The following ELAPOR1 variants were observed in gnomAD, a reference collection of about 807,000 sequenced individuals.
ELAPOR1 encodes the protein endosome-lysosome associated apoptosis and autophagy regulator 1.
A neutral mutation model predicts 119.7 loss-of-function variants in ELAPOR1; 77 were observed. That is an observed-to-expected ratio of 0.64 (90% confidence interval 0.54 to 0.78). The LOEUF is 0.78. Among genes scored for constraint, ELAPOR1 ranks in the 30% least tolerant of loss-of-function variants. The pLI is 0.00. For synonymous variants in ELAPOR1, 481 were observed against 487.2 expected, an observed-to-expected ratio of 0.99 and a Z score of 0.17; for missense variants, 1,115 against 1,270.4, an observed-to-expected ratio of 0.88 and a Z score of 1.86.
At chr1:109,134,410 G>A (rs1649333021) in intron 1 of ELAPOR1, among the ~76,000 whole-genome samples, 1 of 152,132 alleles carries the variant, frequency 6.6e-6, no homozygotes, top group Non-Finnish European at 1.5e-5. Flanking sequence ...TCACAGGGCT[G>A]TGGGCCTCTC....
At chr1:109,176,299 C>T (rs1041019352) in intron 7 of ELAPOR1, among the ~76,000 whole-genome samples, 6 of 152,170 alleles carry the variant, frequency 3.9e-5, no homozygotes, top group Non-Finnish European at 8.8e-5. Flanking sequence ...ACCTCCAAGA[C>T]AGGTTCTGAA....
At chr1:109,151,940 C>T (rs1650558854) in intron 1 of ELAPOR1, among the ~76,000 whole-genome samples, 1 of 149,382 alleles carries the variant, frequency 6.7e-6, no homozygotes. Context: ...GTGGCATGAT[C>T]ACGGCTCACT....
At chr1:109,148,813 G>A (rs148415939) in intron 1 of ELAPOR1, among the ~76,000 whole-genome samples, 11,012 of 152,246 alleles carry the variant, frequency 0.072, 450 homozygotes, top group Non-Finnish European at 0.09. Flanking sequence ...AGTGATAGAA[G>A]CACATCTTCA....
chr1:109,144,033 T>TTATATATATA (rs1265476565), intron 1 of ELAPOR1, among the ~76,000 whole-genome samples: 2 of 91,820 alleles, frequency 2.2e-5, no homozygotes, highest in South Asian at 7.5e-4. Context: ...TTTTCTAAAA[T>TTATATATATA]TATATATATA....
rs1224695847 is a variant in ELAPOR1, at chr1:109,203,364, C to G, written c.*352C>G. 8.2e-6 allele frequency: 2 copies of G among 243,222 alleles called. No homozygotes were observed. The highest frequency in any genetic ancestry group is 4.7e-5 in the African/African-American group (2 of 42,698). 15.1% of individuals were successfully genotyped at this position (243,222 alleles called of 1,614,324 possible). Reference sequence around the variant, plus strand: ...AAGTATAGAAACTATTTCCTCTGTCCTCTAACTTAAGGGCAGAAACAGCTG... The same window carrying G: ...AAGTATAGAAACTATTTCCTCTGTCGTCTAACTTAAGGGCAGAAACAGCTG... On this transcript the variant is annotated 3_prime_UTR_variant, in exon 22 of 22. Coordinates refer to ENST00000369939, the MANE Select transcript of ELAPOR1 (RefSeq NM_020775.5).
At chr1:109,193,273 A>G (rs1256492443) in intron 14 of ELAPOR1, among the ~76,000 whole-genome samples, 1 of 152,074 alleles carries the variant, frequency 6.6e-6, no homozygotes, top group African/African-American at 2.4e-5. Context: ...TAGAAACCCA[A>G]CCATTGCTGG....
chr1:109,169,387 G>T (rs775744946), intron 3 of ELAPOR1, among the ~76,000 whole-genome samples: 1 of 151,986 alleles, frequency 6.6e-6, no homozygotes, highest in African/African-American at 2.4e-5. Flanking sequence ...TTACAGCCAC[G>T]TGCCACAACA....
intron 1 of ELAPOR1, among the ~76,000 whole-genome samples, chr1:109,131,958 C>A (rs1649175402): frequency 2.0e-5 from 3 of 152,024 alleles, no homozygotes; most frequent in African/African-American, 7.2e-5. Context: ...GACTTGGAGG[C>A]CCTTGGAGAA....
chr1:109,133,173 T>C (rs1319875314), intron 1 of ELAPOR1, among the ~76,000 whole-genome samples: 1 of 152,086 alleles, frequency 6.6e-6, no homozygotes, highest in East Asian at 1.9e-4. Flanking sequence ...GAGGGTGCGG[T>C]GAGCTCTGAT....
At chr1:109,188,795 T>C (rs765498866) in intron 9 of ELAPOR1, among the ~76,000 whole-genome samples, 7 of 152,216 alleles carry the variant, frequency 4.6e-5, no homozygotes, top group Non-Finnish European at 1.0e-4. Flanking sequence ...TGTATCAGAC[T>C]AGAAGGTACA....
chr1:109,157,420 C>T (rs1464078495), intron 1 of ELAPOR1, among the ~76,000 whole-genome samples: 1 of 152,172 alleles, frequency 6.6e-6, no homozygotes, highest in Non-Finnish European at 1.5e-5. Context: ...CTTAATCATG[C>T]TCACAGAGGG....
chr1:109,184,232 A>G (rs1447482110), intron 7 of ELAPOR1, among the ~76,000 whole-genome samples: 1 of 152,078 alleles, frequency 6.6e-6, no homozygotes, highest in Non-Finnish European at 1.5e-5. Flanking sequence ...TTAGCCAGGC[A>G]TGGTGACTCA....
intron 7 of ELAPOR1, among the ~76,000 whole-genome samples, chr1:109,180,757 G>A (rs1307062488): frequency 6.6e-6 from 1 of 152,234 alleles, no homozygotes; most frequent in East Asian, 1.9e-4. Flanking sequence ...TTGAGGCCGG[G>A]AGTTTGAGAC....
chr1:109,154,019 T>G (rs190640384), intron 1 of ELAPOR1, among the ~76,000 whole-genome samples: 1 of 152,090 alleles, frequency 6.6e-6, no homozygotes, highest in Non-Finnish European at 1.5e-5. Flanking sequence ...CTGTGGCTCA[T>G]GCCTGTAATC....
At chr1:109,120,846 A>G (rs1215419380) in intron 1 of ELAPOR1, among the ~76,000 whole-genome samples, 1 of 152,234 alleles carries the variant, frequency 6.6e-6, no homozygotes, top group Non-Finnish European at 1.5e-5. Flanking sequence ...ATTCTCATTC[A>G]GATCACTCAC....
chr1:109,131,903 G>C (rs1171371377), intron 1 of ELAPOR1, among the ~76,000 whole-genome samples: 1 of 152,150 alleles, frequency 6.6e-6, no homozygotes, highest in Non-Finnish European at 1.5e-5. Flanking sequence ...AGGTTGTCCA[G>C]GGTCACTTTA....
intron 11 of ELAPOR1, among the ~76,000 whole-genome samples, 198 bp from the exon 12 acceptor site, chr1:109,191,168 C>T (rs2101112318): frequency 6.6e-6 from 1 of 152,252 alleles, no homozygotes; most frequent in Admixed American, 6.5e-5. Context: ...TCATCACCTC[C>T]ATTTTACAGA....
At chr1:109,180,149 C>T (rs1180844362) in intron 7 of ELAPOR1, among the ~76,000 whole-genome samples, 1 of 152,078 alleles carries the variant, frequency 6.6e-6, no homozygotes, top group Non-Finnish European at 1.5e-5. Flanking sequence ...CTCACTGGTC[C>T]CTAAAATTTG....
intron 7 of ELAPOR1, among the ~76,000 whole-genome samples, chr1:109,174,811 G>A (rs1652163671): frequency 6.6e-6 from 1 of 152,010 alleles, no homozygotes; most frequent in Non-Finnish European, 1.5e-5. Flanking sequence ...TGCCTCCCAG[G>A]TTCATGCCAT....
Sources: allele counts gnomAD v4.1 joint callset (sites outside exome capture counted in the v4.1 genomes callset), GRCh38; gene constraint gnomAD v4.1.1; transcripts MANE v1.5; gene names NCBI Gene and HGNC (gene_info 2026-07-23, HGNC 2026-07-21).